Variants in PYY observed in about 807,000 individuals in gnomAD.
The protein encoded by PYY is peptide tyrosine tyrosine.
PYY carries 12 observed loss-of-function variants against 10.3 expected under a neutral mutation model. The observed-to-expected ratio is 1.17, with a 90% CI of 0.75 to 1.89. PYY has a LOEUF of 1.89. Ranked by LOEUF, PYY falls within the 40% of genes most tolerant of loss-of-function variation. The probability of loss-of-function intolerance (pLI) is 0.00; values close to 1 mark genes in which losing one functional copy is unlikely to be tolerated. For synonymous variants in PYY, 66 were observed against 62.0 expected, an observed-to-expected ratio of 1.06 and a Z score of -0.30; for missense variants, 141 against 134.0, an observed-to-expected ratio of 1.05 and a Z score of -0.26.
chr17:43,971,569 C>CAA (rs376423274), intron 1 of PYY, among the ~76,000 whole-genome samples: 106 of 105,138 alleles, frequency 1.0e-3, no homozygotes, highest in African/African-American at 1.9e-3. Flanking sequence ...GGCTCTGTCT[C>CAA]AAAAAAAAAA....
chr17:43,955,642 C>G (rs1267745677), upstream of PYY, among the ~76,000 whole-genome samples: 1 of 152,076 alleles, frequency 6.6e-6, no homozygotes, highest in Non-Finnish European at 1.5e-5. Flanking sequence ...GCAAGACACA[C>G]CCCTGCCCTT....
chr17:43,974,065 G>T (rs1567931106), intron 1 of PYY, among the ~76,000 whole-genome samples: 1 of 152,006 alleles, frequency 6.6e-6, no homozygotes, highest in Non-Finnish European at 1.5e-5. Flanking sequence ...TGGTGAGTAT[G>T]AATATCTTTT....
At chr17:43,992,123 GAAAAAAAAA>G (rs11396568) in intron 1 of PYY, among the ~76,000 whole-genome samples, 1 of 120,510 alleles carries the variant, frequency 8.3e-6, no homozygotes, top group East Asian at 2.4e-4. Context: ...CTGTCTCAAA[GAAAAAAAAA>G]AAAAAAAAAA....
chr17:43,972,147 AATTTT>A (rs1427944667), intron 1 of PYY, among the ~76,000 whole-genome samples: 5 of 150,892 alleles, frequency 3.3e-5, no homozygotes, highest in Non-Finnish European at 7.4e-5. Context: ...CAAAATGGTC[AATTTT>A]ATTTTATGTT....
At chr17:43,990,401 T>G (rs894070747) in intron 1 of PYY, among the ~76,000 whole-genome samples, 2 of 145,374 alleles carry the variant, frequency 1.4e-5, no homozygotes, top group African/African-American at 5.2e-5. Context: ...ATCGCACCAT[T>G]GCACTCCAGC....
chr17:43,980,018 T>C (rs2048872262), intron 1 of PYY, among the ~76,000 whole-genome samples: 1 of 152,088 alleles, frequency 6.6e-6, no homozygotes, highest in Admixed American at 6.5e-5. Context: ...AACAGAACAT[T>C]ACAAGCCCCT....
chr17:43,999,097 G>A (rs1455463138), intron 1 of PYY, among the ~76,000 whole-genome samples: 2 of 152,154 alleles, frequency 1.3e-5, no homozygotes, highest in Admixed American at 6.5e-5. Context: ...AGGAGAAAGA[G>A]GAGGACCAGG....
intron 1 of PYY, among the ~76,000 whole-genome samples, chr17:44,002,621 T>C (rs2049036049): frequency 6.6e-6 from 1 of 152,258 alleles, no homozygotes; most frequent in South Asian, 2.1e-4. Context: ...GTGAATGTTT[T>C]CAAGCCTTTC....
At chr17:43,960,599 C>T (rs2048705560) in intron 2 of PYY, among the ~76,000 whole-genome samples, 1 of 149,746 alleles carries the variant, frequency 6.7e-6, no homozygotes, top group Non-Finnish European at 1.5e-5. Flanking sequence ...CCTGTAATCC[C>T]AGCACTTTGG....
At chr17:43,980,248 C>A (rs1326341761) in intron 1 of PYY, among the ~76,000 whole-genome samples, 2 of 146,530 alleles carry the variant, frequency 1.4e-5, no homozygotes, top group Non-Finnish European at 3.0e-5. Flanking sequence ...ACTGCAATCT[C>A]CACCTCCGGA....
chr17:44,002,199 C>T (rs994175754), intron 1 of PYY, among the ~76,000 whole-genome samples: 1 of 152,258 alleles, frequency 6.6e-6, no homozygotes, highest in East Asian at 1.9e-4. Context: ...GTCTCCCCCC[C>T]GGGACAGTGT....
chr17:43,976,837 C>G (rs753998127), intron 1 of PYY, among the ~76,000 whole-genome samples: 1 of 152,138 alleles, frequency 6.6e-6, no homozygotes, highest in Admixed American at 6.6e-5. Flanking sequence ...TTCTCTACCC[C>G]CTACCAAAAT....
chr17:43,998,837 G>T (rs912338007), intron 1 of PYY, among the ~76,000 whole-genome samples: 1 of 152,136 alleles, frequency 6.6e-6, no homozygotes, highest in Non-Finnish European at 1.5e-5. Flanking sequence ...GGGGAATGGC[G>T]CTCTGATTTA....
intron 1 of PYY, among the ~76,000 whole-genome samples, chr17:43,999,172 G>A (rs749040309): frequency 6.6e-6 from 1 of 151,978 alleles, no homozygotes; most frequent in Non-Finnish European, 1.5e-5. Context: ...AGGGAGGGAG[G>A]CAAAGGTGGC....
intron 1 of PYY, among the ~76,000 whole-genome samples, chr17:43,968,933 C>T (rs1188277577): frequency 6.6e-6 from 1 of 151,304 alleles, no homozygotes; most frequent in Non-Finnish European, 1.5e-5. Flanking sequence ...TATGGTGAAA[C>T]CCTGTCTCTA....
intron 2 of PYY, among the ~76,000 whole-genome samples, chr17:43,963,565 G>GA (rs1172149155): frequency 2.0e-3 from 190 of 96,970 alleles, no homozygotes; most frequent in African/African-American, 7.4e-3. Flanking sequence ...AGGAAGGAAG[G>GA]AAGGAAAAGA....
chr17:43,972,847 G>C (rs527384212), intron 1 of PYY, among the ~76,000 whole-genome samples: 3 of 152,256 alleles, frequency 2.0e-5, no homozygotes, highest in African/African-American at 7.2e-5. Context: ...CTCCCAGGTA[G>C]CTGGGACTAC....
At chr17:43,988,478 C>G (rs930572899) in intron 1 of PYY, among the ~76,000 whole-genome samples, 1 of 152,108 alleles carries the variant, frequency 6.6e-6, no homozygotes, top group African/African-American at 2.4e-5. Context: ...TTCAGCTCCC[C>G]GGGGAAGCTT....
rs1483655789 is a variant in PYY at position 43,976,400 on chromosome 17, TATACATATTCATGTATACATATAC to T, written c.-462-9892_-462-9869del. 2.8e-4 allele frequency among the ~76,000 whole-genome samples: 33 copies of T among 116,798 alleles called. No homozygotes were observed. The South Asian group carries it at 3.9e-3, about 14-fold the overall frequency. The allele number at this position is 116,798 out of a possible 152,430, so 76.6% of individuals were successfully genotyped here. A position where few individuals can be genotyped will look rare whatever the true frequency, so the allele number is the denominator to read the frequency against. ...ACACATACATGTATACATATACGTA[TATACATATTCATGTATACATATAC>T]ATATATACACATATACATGTATACA... On this transcript the variant is annotated intron_variant, in intron 1 of 6. Transcript: ENST00000360085.
Sources: gnomAD v4.1 joint callset for allele counts (sites outside exome capture counted in the v4.1 genomes callset) on GRCh38, gnomAD v4.1.1 for gene constraint, MANE v1.5 for transcripts, NCBI Gene and HGNC (gene_info 2026-07-23, HGNC 2026-07-21) for gene names.